The following HELZ variants were observed in gnomAD, a reference collection of about 807,000 sequenced individuals.
The protein encoded by HELZ is ATP-dependent RNA helicase with zinc finger domain.
Under a neutral mutation model 218.2 loss-of-function variants are expected in HELZ, and 23 were observed. That is an observed-to-expected ratio of 0.11 (90% confidence interval 0.08 to 0.15). The LOEUF is 0.15. HELZ is among the 10% of genes least tolerant of loss of function. HELZ has a pLI of 1.00. For missense variants in HELZ, 1,813 were observed against 2,353.7 expected (o/e 0.77, Z 4.75); for synonymous variants, 814 against 829.4 (o/e 0.98, Z 0.32).
chr17:67,115,117 A>ATTT (rs2037390453), intron 27 of HELZ, among the ~76,000 whole-genome samples: 1 of 152,134 alleles, frequency 6.6e-6, no homozygotes, highest in Non-Finnish European at 1.5e-5. Context: ...TCATGCCAGA[A>ATTT]TTACCTTACC....
At chr17:67,202,022 T>C (rs1598413989) in intron 6 of HELZ, among the ~76,000 whole-genome samples, 1 of 152,126 alleles carries the variant, frequency 6.6e-6, no homozygotes, top group Non-Finnish European at 1.5e-5. Flanking sequence ...CTAACTTCTT[T>C]TTTTTTAACC....
chr17:67,124,463 T>G (rs980705402), intron 24 of HELZ, among the ~76,000 whole-genome samples: 1 of 152,130 alleles, frequency 6.6e-6, no homozygotes, highest in Non-Finnish European at 1.5e-5. Context: ...AAATATGGCT[T>G]AGGATTTATG....
intron 27 of HELZ, among the ~76,000 whole-genome samples, chr17:67,117,065 G>A (rs751542112): frequency 4.6e-5 from 7 of 152,014 alleles, no homozygotes; most frequent in Non-Finnish European, 1.0e-4. Flanking sequence ...ATGTTAGCCA[G>A]GCTGGTCTCA....
At chr17:67,236,560 G>T (rs1455701627) in intron 3 of HELZ, among the ~76,000 whole-genome samples, 1 of 152,026 alleles carries the variant, frequency 6.6e-6, no homozygotes, top group African/African-American at 2.4e-5. Flanking sequence ...ATGACTTGAT[G>T]AAATTATTTT....
At chr17:67,196,510 G>C (rs1405553043) in intron 7 of HELZ, among the ~76,000 whole-genome samples, 1 of 152,070 alleles carries the variant, frequency 6.6e-6, no homozygotes, top group African/African-American at 2.4e-5. Flanking sequence ...ACATAATAAT[G>C]GGTGCTCAGT....
At chr17:67,110,414 CTA>C (rs1404613187) in intron 28 of HELZ, among the ~76,000 whole-genome samples, 1 of 152,188 alleles carries the variant, frequency 6.6e-6, no homozygotes, top group Admixed American at 6.5e-5. Context: ...TCAAAAATAT[CTA>C]TGTTAATAAA....
intron 18 of HELZ, 131 bp downstream of exon 18, chr17:67,150,915 A>G (rs2038662415): frequency 1.4e-6 from 1 of 703,368 alleles, no homozygotes; most frequent in South Asian, 1.9e-5. Flanking sequence ...TAAATAAATG[A>G]GCCAGTAAAA....
At chr17:67,169,192 G>A (rs997930163) in intron 13 of HELZ, among the ~76,000 whole-genome samples, 1 of 152,190 alleles carries the variant, frequency 6.6e-6, no homozygotes, top group Non-Finnish European at 1.5e-5. Flanking sequence ...TAAGAGGTAA[G>A]ACAACATGGT....
At chr17:67,234,309 G>GA (rs2041121661) in intron 3 of HELZ, among the ~76,000 whole-genome samples, 1 of 127,722 alleles carries the variant, frequency 7.8e-6, no homozygotes, top group Non-Finnish European at 1.6e-5. Flanking sequence ...AAAAAAAAAA[G>GA]AAAGAAAAAA....
chr17:67,181,942 G>C lies in HELZ; in HGVS notation c.1163-3016C>G, dbSNP rs577594032. Among the ~76,000 whole-genome samples, 122 of 152,226 alleles carry C rather than the reference G, an allele frequency of 8.0e-4. No homozygotes were observed. In the Middle Eastern group the frequency reaches 0.01, roughly 13 times the overall value. ...GATTTAATGACCCACCTAACTTACA[G>C]TGCTTAAAGGTCACCTCATAAATAG... is the stretch of plus-strand genomic sequence containing the variant. On this transcript the variant is annotated intron_variant, in intron 12 of 32. Transcript: ENST00000358691.
chr17:67,164,103 G>A (rs1033651157), intron 15 of HELZ, among the ~76,000 whole-genome samples: 3 of 152,038 alleles, frequency 2.0e-5, no homozygotes, highest in Non-Finnish European at 4.4e-5. Context: ...TAAATGTGCC[G>A]AATATGAATA....
rs533904380 is a variant in HELZ at position 67,131,555 on chromosome 17, CT to C, written c.3183-2701del. Among the ~76,000 whole-genome samples, 1,423 of 144,820 alleles carry C rather than the reference CT, an allele frequency of 9.8e-3. 14 individuals carry two copies. The highest frequency in any genetic ancestry group is 0.029 in the African/African-American group (1,150 of 39,776). ...CTGAAATTTGCATGTTAAATCTGAC[CT>C]TTTTTTTTTTTGACACCATTGATAT... On this transcript the variant is annotated intron_variant, in intron 23 of 32. Coordinates refer to ENST00000358691, the MANE Select transcript of HELZ (RefSeq NM_014877.4).
intron 3 of HELZ, among the ~76,000 whole-genome samples, chr17:67,228,685 C>T (rs117320312): frequency 0.014 from 2,133 of 150,178 alleles, 38 homozygotes; most frequent in Middle Eastern, 0.024. Context: ...TTTATTGTGA[C>T]GAAAGAAAAG....
intron 17 of HELZ, among the ~76,000 whole-genome samples, chr17:67,158,698 GTC>G (rs1158174432): frequency 6.6e-6 from 1 of 151,974 alleles, no homozygotes; most frequent in Non-Finnish European, 1.5e-5. Context: ...ACAGGTGTAA[GTC>G]TCTCTGTAAG....
chr17:67,083,913 CCA>C (rs1191981419), intron 32 of HELZ, among the ~76,000 whole-genome samples: 7 of 152,268 alleles, frequency 4.6e-5, no homozygotes, highest in African/African-American at 1.7e-4. Context: ...TTTAAAAAGG[CCA>C]AAGATGGGGT....
chr17:67,137,133 A>G (rs2143948041), intron 22 of HELZ, among the ~76,000 whole-genome samples: 1 of 152,262 alleles, frequency 6.6e-6, no homozygotes, highest in East Asian at 1.9e-4. Flanking sequence ...CTAGGTGTAT[A>G]TCATTTTTTC....
intron 21 of HELZ, among the ~76,000 whole-genome samples, chr17:67,140,223 A>C (rs2038280494): frequency 6.6e-6 from 1 of 152,202 alleles, no homozygotes; most frequent in African/African-American, 2.4e-5. Flanking sequence ...CAGCATACAC[A>C]GAGCTCCTGC....
At chr17:67,150,012 T>G (rs778287828) in intron 18 of HELZ, 27 bp from the exon 19 acceptor site, 6 of 1,373,812 alleles carry the variant, frequency 4.4e-6, no homozygotes, top group African/African-American at 2.9e-5. Flanking sequence ...AAACACAGGA[T>G]AGCACGCTAG....
chr17:67,209,098 C>A, intron 5 of HELZ, among the ~76,000 whole-genome samples: 1 of 139,332 alleles, frequency 7.2e-6, no homozygotes, highest in South Asian at 2.3e-4. Context: ...AACTGCGTCT[C>A]TATTTTAAAA....
Sources: gnomAD v4.1 joint callset for allele counts (sites outside exome capture counted in the v4.1 genomes callset) on GRCh38, gnomAD v4.1.1 for gene constraint, MANE v1.5 for transcripts, NCBI Gene and HGNC (gene_info 2026-07-23, HGNC 2026-07-21) for gene names.